SYNE2: variants seen among roughly 807,000 people sequenced by gnomAD.
SYNE2 encodes the protein spectrin repeat containing nuclear envelope protein 2.
SYNE2 carries 431 observed loss-of-function variants against 856.3 expected under a neutral mutation model. That is an observed-to-expected ratio of 0.50 (90% CI 0.47 to 0.55). SYNE2 has a LOEUF of 0.55. Ranked by LOEUF, SYNE2 falls within the 20% of genes least tolerant of loss-of-function variation. SYNE2 has a pLI of 0.00. For missense variants in SYNE2, 8,129 were observed against 8,023.2 expected (o/e 1.01, Z -0.50); for synonymous variants, 2,923 against 2,872.3 (o/e 1.02, Z -0.56).
intron 1 of SYNE2, among the ~76,000 whole-genome samples, chr14:63,773,385 A>G (rs1236439704): frequency 6.6e-6 from 1 of 151,610 alleles, no homozygotes; most frequent in Non-Finnish European, 1.5e-5. Flanking sequence ...TATTTTGTAG[A>G]GACAGGGGTC....
At chr14:63,810,406 C>T (rs1224005891) in intron 1 of SYNE2, among the ~76,000 whole-genome samples, 1 of 152,052 alleles carries the variant, frequency 6.6e-6, no homozygotes, top group Admixed American at 6.6e-5. Flanking sequence ...TTCCTGGAAG[C>T]TTTTGTAAGG....
chr14:63,788,767 G>A (rs1887632871), intron 1 of SYNE2, among the ~76,000 whole-genome samples: 1 of 152,266 alleles, frequency 6.6e-6, no homozygotes, highest in African/African-American at 2.4e-5. Flanking sequence ...GATGAGGAAT[G>A]TAAATTAGTA....
intron 2 of SYNE2, among the ~76,000 whole-genome samples, chr14:63,939,394 C>A (rs1347365410): frequency 6.8e-6 from 1 of 146,636 alleles, no homozygotes; most frequent in East Asian, 2.0e-4. Flanking sequence ...GTCACCCAGG[C>A]TGGAGTGCAG....
At chr14:63,892,362 A>G (rs1364568257) in intron 1 of SYNE2, among the ~76,000 whole-genome samples, 1 of 151,754 alleles carries the variant, frequency 6.6e-6, no homozygotes, top group Non-Finnish European at 1.5e-5. Flanking sequence ...CAGTTCCTCC[A>G]TTCCCCCCAA....
intron 105 of SYNE2, 148 bp downstream of exon 105, chr14:64,213,153 A>T (rs1179453799): frequency 1.2e-6 from 1 of 825,992 alleles, no homozygotes; most frequent in East Asian, 2.7e-5. Flanking sequence ...AAAACATTTT[A>T]ATTTCCACTT....
In SYNE2 at chr14:64,126,617, A is replaced by G; in HGVS notation, c.13727A>G (p.Lys4576Arg). Residue 4576 changes from lysine to arginine, a missense_variant, in exon 73 of 116, where the codon AAG becomes AGG. Coordinates refer to ENST00000555002, the MANE Select transcript of SYNE2 (RefSeq NM_182914.3). ...VHYETLALEL[K>R]KLYLALSDKK... ...CTCCAGACGCTGGCTCTTGAGTTGA[A>G]GAAACTTTATTTAGCGCTAAGTGAC... 1 of 1,614,194 alleles carries G rather than the reference A, an allele frequency of 6.2e-7. No homozygotes were observed. Among genetic ancestry groups the G allele is most frequent in the Non-Finnish European group, 8.5e-7 (1 of 1,180,028 alleles).
chr14:64,161,984 G>A, intron 87 of SYNE2, 88 bp from the exon 88 acceptor site: 1 of 1,451,024 alleles, frequency 6.9e-7, no homozygotes, highest in Non-Finnish European at 9.6e-7. Flanking sequence ...CCATCTGCTA[G>A]TAACTTACCA....
In SYNE2 at chr14:64,208,859, C is replaced by T. The variant is rs968059374; in HGVS notation, c.18303C>T (p.Thr6101=). Residue 6101 remains threonine (T), a synonymous_variant, in exon 101 of 116, where the codon ACC becomes ACT. Transcript: ENST00000555002. ...ACTCCGATGCCTGTGCAAATGAGAC[C>T]GAGTGTGACTCGATCCAGCAGACCA... ...LHDSDACANE[T]ECDSIQQTTR... 18 of 1,614,056 alleles carry T rather than the reference C, an allele frequency of 1.1e-5. No individual in the cohort carries two copies. The highest frequency in any genetic ancestry group is 6.6e-5 in the South Asian group (6 of 91,084).
chr14:64,172,981 C>G (rs1251797700), intron 94 of SYNE2, among the ~76,000 whole-genome samples: 2 of 151,626 alleles, frequency 1.3e-5, no homozygotes, highest in African/African-American at 4.8e-5. Flanking sequence ...TCGCTGGAGG[C>G]AGTCATCTTG....
At chr14:64,167,991 T>C (rs538526393) in intron 92 of SYNE2, among the ~76,000 whole-genome samples, 1 of 152,344 alleles carries the variant, frequency 6.6e-6, no homozygotes, top group South Asian at 2.1e-4. Context: ...TTCTCCATAG[T>C]ATTAAAGCAC....
At chr14:63,817,105 A>G (rs1285880979) in intron 1 of SYNE2, among the ~76,000 whole-genome samples, 1 of 152,142 alleles carries the variant, frequency 6.6e-6, no homozygotes, top group Non-Finnish European at 1.5e-5. Context: ...CGACAATTCC[A>G]GACTATCCCA....
chr14:63,867,052 A>G (rs1162058492), intron 1 of SYNE2, among the ~76,000 whole-genome samples: 2 of 152,246 alleles, frequency 1.3e-5, no homozygotes, highest in Non-Finnish European at 2.9e-5. Context: ...TTATAAGCCT[A>G]TAACACAGAA....
chr14:63,969,599 C>A (rs1212456857), intron 11 of SYNE2, among the ~76,000 whole-genome samples: 1 of 152,010 alleles, frequency 6.6e-6, no homozygotes, highest in Non-Finnish European at 1.5e-5. Flanking sequence ...CCTCGGCCTC[C>A]CAAAGTGCTA....
intron 113 of SYNE2, among the ~76,000 whole-genome samples, chr14:64,223,996 T>C (rs2098706585): frequency 6.6e-6 from 1 of 152,046 alleles, no homozygotes; most frequent in Non-Finnish European, 1.5e-5. Context: ...ACATTCCTTT[T>C]TGTCCGAAAA....
intron 55 of SYNE2, among the ~76,000 whole-genome samples, 193 bp downstream of exon 55, chr14:64,078,799 C>T (rs941982184): frequency 2.6e-5 from 4 of 152,120 alleles, no homozygotes; most frequent in African/African-American, 9.7e-5. Context: ...TGGCCAGGTG[C>T]GGTGACCCAC....
Position 64,209,542 on chromosome 14 carries a change from G to A in SYNE2, c.18504G>A (p.Leu6168=). ...CCTGCCCAAATTCCTCAGAGGTGTT[G>A]TACACGAGTGCCAAAGAGGAACTGA... ...TAACPNSSEV[L]YTSAKEELKR... is the part of the protein sequence containing the mutation. Residue 6168 remains leucine, a synonymous_variant, in exon 102 of 116, where the codon TTG becomes TTA. Transcript: ENST00000555002. 1 of 1,614,202 alleles carries A rather than the reference G, an allele frequency of 6.2e-7. No individual in the cohort carries two copies.
rs114482392 is a variant in SYNE2, at chr14:64,214,576, C to T, written c.19333+106C>T. 4.9e-4 allele frequency: 570 copies of T among 1,154,736 alleles called. 2 individuals are homozygous for T. The African/African-American group carries it at 7.4e-3, about 15-fold the overall frequency. 71.5% of individuals were successfully genotyped at this position (1,154,736 alleles called of 1,614,324 possible). A position where few individuals can be genotyped will look rare whatever the true frequency, so the allele number is the denominator to read the frequency against. On this transcript the variant is annotated intron_variant, in intron 106 of 115. Transcript: ENST00000555002. ...AATGACCAAGAGTCCATCTTGTGGC[C>T]GACCCTGACTTCTGTGGTTTCCTGT...
intron 49 of SYNE2, 121 bp downstream of exon 49, chr14:64,056,387 C>T (rs1173721790): frequency 1.2e-6 from 1 of 831,882 alleles, no homozygotes; most frequent in Non-Finnish European, 1.8e-6. Flanking sequence ...TCATTAACAC[C>T]TATGCATTAG....
chr14:64,128,429 A>G (rs1440694411), intron 73 of SYNE2, 23 bp from the exon 74 acceptor site: 1 of 1,314,378 alleles, frequency 7.6e-7, no homozygotes, highest in Non-Finnish European at 1.1e-6. Context: ...GAGATTGCTC[A>G]GTTTCCGACA....
Sources: allele counts gnomAD v4.1 joint callset (sites outside exome capture counted in the v4.1 genomes callset), GRCh38; gene constraint gnomAD v4.1.1; transcripts MANE v1.5; gene names NCBI Gene and HGNC (gene_info 2026-07-23, HGNC 2026-07-21).